DIP2C: variants seen among roughly 807,000 people sequenced by gnomAD.
DIP2C encodes DIP2 acetate--CoA ligase C (putative).
DIP2C carries 33 observed loss-of-function variants against 192.4 expected under a neutral mutation model. That is an observed-to-expected ratio of 0.17 (90% CI 0.13 to 0.23). DIP2C has a LOEUF of 0.23. Ranked by LOEUF, DIP2C falls within the 10% of genes least tolerant of loss-of-function variation. DIP2C has a pLI of 1.00. For missense variants in DIP2C, 1,537 were observed against 2,110.1 expected (o/e 0.73, Z 5.32); for synonymous variants, 979 against 864.1 (o/e 1.13, Z -2.33).
intron 1 of DIP2C, among the ~76,000 whole-genome samples, chr10:577,021 TCTTA>T (rs1472280969): frequency 6.6e-6 from 1 of 152,236 alleles, no homozygotes; most frequent in African/African-American, 2.4e-5. Flanking sequence ...TCCAGTTTTT[TCTTA>T]CTTCGTTACA....
intron 32 of DIP2C, among the ~76,000 whole-genome samples, chr10:295,664 G>T (rs1196831140): frequency 6.6e-6 from 1 of 150,744 alleles, no homozygotes; most frequent in Non-Finnish European, 1.5e-5. Flanking sequence ...TGCTGGTGAG[G>T]ATACAGAGAG....
At chr10:642,574 TG>T (rs1404231109) in intron 1 of DIP2C, among the ~76,000 whole-genome samples, 1 of 152,232 alleles carries the variant, frequency 6.6e-6, no homozygotes. Flanking sequence ...TAAATATCAC[TG>T]CTGTTAGACC....
chr10:346,402 A>T (rs1466155509), intron 26 of DIP2C, among the ~76,000 whole-genome samples: 1 of 2,266 alleles, frequency 4.4e-4, no homozygotes, highest in Non-Finnish European at 1.8e-3. Context: ...AACGTCACAC[A>T]CACCCAACCC....
chr10:600,197 G>A (rs1851966699), intron 1 of DIP2C, among the ~76,000 whole-genome samples: 1 of 152,186 alleles, frequency 6.6e-6, no homozygotes, highest in African/African-American at 2.4e-5. Context: ...ACGACCGGCA[G>A]AGCCACCCCA....
At chr10:575,396 C>T (rs978954075) in intron 1 of DIP2C, among the ~76,000 whole-genome samples, 4 of 152,168 alleles carry the variant, frequency 2.6e-5, no homozygotes, top group African/African-American at 9.7e-5. Context: ...TTCTGCCATA[C>T]ACGAGGGGAG....
chr10:625,248 C>A (rs1854123831), intron 1 of DIP2C, among the ~76,000 whole-genome samples: 1 of 152,208 alleles, frequency 6.6e-6, no homozygotes, highest in African/African-American at 2.4e-5. Flanking sequence ...CAGCCCTCCT[C>A]CCCCGCCGCT....
intron 22 of DIP2C, among the ~76,000 whole-genome samples, chr10:359,795 G>A (rs1481565429): frequency 6.6e-6 from 1 of 152,242 alleles, no homozygotes; most frequent in East Asian, 1.9e-4. Flanking sequence ...ATCTTTAACA[G>A]ATTTTTTTTG....
intron 32 of DIP2C, among the ~76,000 whole-genome samples, chr10:307,610 G>A (rs889562521): frequency 2.6e-5 from 4 of 152,158 alleles, no homozygotes; most frequent in African/African-American, 9.7e-5. Flanking sequence ...AAGGGAGAAG[G>A]GGCCCAGCCA....
intron 31 of DIP2C, among the ~76,000 whole-genome samples, chr10:324,139 T>C (rs902126535): frequency 1.3e-5 from 2 of 152,204 alleles, no homozygotes; most frequent in South Asian, 4.1e-4. Flanking sequence ...TGCTCGCTTT[T>C]ACTAAAATGA....
intron 3 of DIP2C, among the ~76,000 whole-genome samples, chr10:471,299 CAGG>C (rs1054399254): frequency 2.3e-4 from 35 of 152,200 alleles, no homozygotes; most frequent in African/African-American, 7.7e-4. Flanking sequence ...GGAGCAGAGC[CAGG>C]AGGCCAGGCA....
At chr10:374,149 G>C (rs187090547) in intron 17 of DIP2C, among the ~76,000 whole-genome samples, 4 of 152,252 alleles carry the variant, frequency 2.6e-5, no homozygotes, top group Admixed American at 2.0e-4. Flanking sequence ...ACTGAATTCA[G>C]CTGGTTTGTT....
At chr10:439,623 C>CA (rs1967567071) in intron 4 of DIP2C, among the ~76,000 whole-genome samples, 1 of 152,034 alleles carries the variant, frequency 6.6e-6, no homozygotes, top group South Asian at 2.1e-4. Flanking sequence ...GACCCTGTCT[C>CA]AAAACAAACA....
At chr10:476,534 T>C (rs1262622971) in intron 2 of DIP2C, among the ~76,000 whole-genome samples, 1 of 152,226 alleles carries the variant, frequency 6.6e-6, no homozygotes, top group Non-Finnish European at 1.5e-5. Context: ...TGCTGTTTTC[T>C]TGACAAGGAA....
At chr10:291,932 G>T (rs549670880) in intron 32 of DIP2C, among the ~76,000 whole-genome samples, 1 of 150,710 alleles carries the variant, frequency 6.6e-6, no homozygotes, top group African/African-American at 2.4e-5. Flanking sequence ...AGGACTCCAT[G>T]GGGGAGGGAG....
At chr10:387,694 A>T (rs1197689493) in intron 14 of DIP2C, 51 bp downstream of exon 14, 5 of 1,401,192 alleles carry the variant, frequency 3.6e-6, no homozygotes, top group Non-Finnish European at 4.8e-6. Context: ...CAGGCAGGGC[A>T]GGGTGGGGGA....
intron 1 of DIP2C, among the ~76,000 whole-genome samples, chr10:595,687 G>A (rs765910345): frequency 1.3e-5 from 2 of 152,182 alleles, no homozygotes; most frequent in Non-Finnish European, 2.9e-5. Flanking sequence ...AAATCCACGC[G>A]TCCGCAGGAC....
chr10:376,427 C>T (rs758189298), intron 17 of DIP2C, among the ~76,000 whole-genome samples: 4 of 145,462 alleles, frequency 2.7e-5, no homozygotes, highest in Non-Finnish European at 4.5e-5. Context: ...ACCTGCACAA[C>T]GTTGCTTCTT....
chr10:439,406 G>C (rs531067826), intron 4 of DIP2C, among the ~76,000 whole-genome samples: 1 of 124,390 alleles, frequency 8.0e-6, no homozygotes, highest in Non-Finnish European at 1.5e-5. Flanking sequence ...CGAAGATCAC[G>C]CATGTGTAAA....
In DIP2C at chr10:369,653, C is replaced by T; in HGVS notation, c.1992-20G>A. On this transcript the variant is annotated intron_variant, in intron 17 of 36. Transcript: ENST00000280886. ...GTGGGCCTGTAATGACAGTTTTTAA[C>T]TTGAATATGCAGGAGCAGATAAGCC... 1 of 1,614,116 alleles carries T rather than the reference C, an allele frequency of 6.2e-7. No homozygotes were observed. The highest frequency in any genetic ancestry group is 1.1e-5 in the South Asian group (1 of 91,078).
Sources: allele counts gnomAD v4.1 joint callset (sites outside exome capture counted in the v4.1 genomes callset), GRCh38; gene constraint gnomAD v4.1.1; transcripts MANE v1.5; gene names NCBI Gene and HGNC (gene_info 2026-07-23, HGNC 2026-07-21).